Variants in WARS2 observed in about 807,000 individuals in gnomAD.
The protein encoded by WARS2 is tryptophan--tRNA ligase, mitochondrial.
A neutral mutation model predicts 36.5 loss-of-function variants in WARS2; 28 were observed. That is an observed-to-expected ratio of 0.77 (90% CI 0.57 to 1.05). The LOEUF (loss-of-function observed/expected upper bound fraction) is 1.05, where lower values mean the gene tolerates loss of function less well. Among genes scored for constraint, WARS2 ranks in the 50% least tolerant of loss-of-function variants. The probability of loss-of-function intolerance (pLI) is 0.00; values close to 1 mark genes in which losing one functional copy is unlikely to be tolerated. For missense variants in WARS2, 435 were observed against 456.8 expected, an observed-to-expected ratio of 0.95 and a Z score of 0.44; for synonymous variants, 174 against 178.4, an observed-to-expected ratio of 0.98 and a Z score of 0.20.
rs144525495 is a variant in WARS2, at chr1:119,127,669, C to T, written c.90+12886G>A. Among the ~76,000 whole-genome samples, 317 of 152,276 alleles carry T rather than the reference C, an allele frequency of 2.1e-3. 1 individual carries two copies. Among genetic ancestry groups the T allele is most frequent in the African/African-American group, 7.4e-3 (309 of 41,546 alleles). On this transcript the variant is annotated intron_variant, in intron 1 of 5. Coordinates refer to ENST00000235521, the MANE Select transcript of WARS2 (RefSeq NM_015836.4). ...ATGCTCAACAGGGTTTGGAGCTCCT[C>T]GATTTCCCACACTATTCTCAGCAAA...
rs1048591953 is a variant in WARS2, at chr1:119,034,266, G to C, written c.516-53C>G. Reference sequence around the variant, plus strand: ...ACAGCAAGGCTCTTTCTTAGAGACAGAAATGATATTGCAAGCAGCTGCATT... The same window carrying C: ...ACAGCAAGGCTCTTTCTTAGAGACACAAATGATATTGCAAGCAGCTGCATT... On this transcript the variant is annotated intron_variant, in intron 4 of 5. Transcript: ENST00000235521. The C allele has an allele frequency of 4.5e-5, 64 of 1,413,350 alleles. No individual in the cohort carries two copies. In the Middle Eastern group the frequency reaches 8.9e-4, roughly 20 times the overall value. The allele number at this position is 1,413,350 out of a possible 1,614,324, so 87.6% of individuals were successfully genotyped here. A position where few individuals can be genotyped will look rare whatever the true frequency, so the allele number is the denominator to read the frequency against.
At chr1:119,093,705 G>A (rs1035983546) in intron 1 of WARS2, among the ~76,000 whole-genome samples, 6 of 152,136 alleles carry the variant, frequency 3.9e-5, no homozygotes, top group Non-Finnish European at 8.8e-5. Context: ...CTAGCCTCCA[G>A]AACTGTGAAA....
rs117890655 is a variant in WARS2, at chr1:119,088,273, C to T, written c.91-11666G>A. Among the ~76,000 whole-genome samples the T allele has an allele frequency of 8.5e-4, 130 of 152,268 alleles. 3 individuals are homozygous for T. The East Asian group carries it at 0.022, about 26-fold the overall frequency. On this transcript the variant is annotated intron_variant, in intron 1 of 5. Coordinates refer to ENST00000235521, the MANE Select transcript of WARS2 (RefSeq NM_015836.4). ...AATACTGATGCCTGGGCACCACCCC[C>T]AGAGATTCTGATTTAATCAGTCTGG...
Position 119,140,653 on chromosome 1 carries a change from G to A in WARS2, c.-9C>T, listed in dbSNP as rs1271173946. ...ATTGAGTGCAGCGCCATCTTGAGAAGGGCGGAGCCGTCTTGTTTGGAATGA... is the reference window on the plus strand; with the variant it reads ...ATTGAGTGCAGCGCCATCTTGAGAAAGGCGGAGCCGTCTTGTTTGGAATGA... On this transcript the variant is annotated 5_prime_UTR_variant, in exon 1 of 6. Coordinates refer to ENST00000235521, the MANE Select transcript of WARS2 (RefSeq NM_015836.4). 7 of 1,609,828 alleles carry A rather than the reference G, an allele frequency of 4.3e-6. No homozygotes were observed. Among genetic ancestry groups the A allele is most frequent in the Non-Finnish European group, 5.9e-6 (7 of 1,177,824 alleles).
intron 1 of WARS2, among the ~76,000 whole-genome samples, chr1:119,096,154 A>T (rs1332545375): frequency 6.6e-6 from 1 of 152,178 alleles, no homozygotes; most frequent in African/African-American, 2.4e-5. Context: ...TGCTTACATA[A>T]ATGATGACAA....
intron 2 of WARS2, among the ~76,000 whole-genome samples, chr1:119,050,301 A>G (rs1225245863): frequency 6.6e-6 from 1 of 152,196 alleles, no homozygotes; most frequent in Admixed American, 6.5e-5. Flanking sequence ...CTTACCAAGG[A>G]GGCTTACCCA....
chr1:119,097,654 T>C (rs1653535426), intron 1 of WARS2, among the ~76,000 whole-genome samples: 1 of 152,198 alleles, frequency 6.6e-6, no homozygotes, highest in Admixed American at 6.5e-5. Context: ...TTATAGCACA[T>C]AGTTGTACTG....
chr1:119,039,254 GGCCATGTATAGT>G (rs1305849836), intron 4 of WARS2, among the ~76,000 whole-genome samples: 2 of 152,108 alleles, frequency 1.3e-5, no homozygotes, highest in Non-Finnish European at 2.9e-5. Flanking sequence ...TTTCCCTCAA[GGCCATGTATAGT>G]GCCCTTTTTC....
chr1:119,129,313 A>T (rs1655919549), intron 1 of WARS2, among the ~76,000 whole-genome samples: 1 of 152,194 alleles, frequency 6.6e-6, no homozygotes, highest in South Asian at 2.1e-4. Flanking sequence ...CAGAACTGTG[A>T]CAAATAAATG....
At chr1:119,132,608 C>T (rs1042322594) in intron 1 of WARS2, among the ~76,000 whole-genome samples, 2 of 152,158 alleles carry the variant, frequency 1.3e-5, no homozygotes, top group Admixed American at 6.5e-5. Flanking sequence ...TTATATTCTC[C>T]TGCTTCCCAA....
chr1:119,071,931 TAAAG>T (rs938726428), intron 2 of WARS2, among the ~76,000 whole-genome samples: 2 of 151,758 alleles, frequency 1.3e-5, no homozygotes, highest in African/African-American at 4.8e-5. Context: ...CAATTTAAAA[TAAAG>T]AAAAAAGAAT....
intron 1 of WARS2, among the ~76,000 whole-genome samples, chr1:119,092,150 T>A (rs1571346209): frequency 6.6e-6 from 1 of 152,174 alleles, no homozygotes; most frequent in South Asian, 2.1e-4. Context: ...ACCGGCTGGG[T>A]ACAAACTTAG....
In WARS2 at chr1:119,123,072, C is replaced by T. The variant is rs587616207; in HGVS notation, c.90+17483G>A. ...CAAGATAGAAGATCCACATTTTAATCAAAGGAAATAGTGACCACACCCTTC... is the reference window on the plus strand; with the variant it reads ...CAAGATAGAAGATCCACATTTTAATTAAAGGAAATAGTGACCACACCCTTC... On this transcript the variant is annotated intron_variant, in intron 1 of 5. Coordinates refer to ENST00000235521, the MANE Select transcript of WARS2 (RefSeq NM_015836.4). Among the ~76,000 whole-genome samples the T allele has an allele frequency of 2.6e-5, 4 of 152,238 alleles. No homozygotes were observed. The East Asian group carries it at 7.7e-4, about 29-fold the overall frequency.
intron 2 of WARS2, among the ~76,000 whole-genome samples, chr1:119,072,343 C>A (rs986453655): frequency 1.2e-4 from 19 of 152,238 alleles, no homozygotes; most frequent in Admixed American, 7.8e-4. Flanking sequence ...TGATGAGCAA[C>A]TATGTGGGAC....
At chr1:119,034,674 G>A (rs969076867) in intron 4 of WARS2, among the ~76,000 whole-genome samples, 1 of 152,206 alleles carries the variant, frequency 6.6e-6, no homozygotes, top group African/African-American at 2.4e-5. Context: ...TCAGGCAAGA[G>A]TTTTTCCTCC....
At chr1:119,051,215 G>C (rs1649322038) in intron 2 of WARS2, among the ~76,000 whole-genome samples, 1 of 152,010 alleles carries the variant, frequency 6.6e-6, no homozygotes, top group Non-Finnish European at 1.5e-5. Flanking sequence ...CCCAGTGTCT[G>C]TTGTTCCCCT....
At chr1:119,065,440 T>C (rs1650751763) in intron 2 of WARS2, among the ~76,000 whole-genome samples, 1 of 151,778 alleles carries the variant, frequency 6.6e-6, no homozygotes, top group Non-Finnish European at 1.5e-5. Context: ...GAGACTAGCC[T>C]GGCCAACATG....
intron 2 of WARS2, among the ~76,000 whole-genome samples, chr1:119,059,599 A>T (rs1427716062): frequency 6.6e-6 from 1 of 152,242 alleles, no homozygotes; most frequent in East Asian, 1.9e-4. Flanking sequence ...TTCAAAAGGC[A>T]GTATAAGTCC....
intron 2 of WARS2, among the ~76,000 whole-genome samples, chr1:119,055,464 A>G (rs1041110979): frequency 1.3e-5 from 2 of 152,024 alleles, no homozygotes; most frequent in African/African-American, 4.8e-5. Context: ...AATACAAAAA[A>G]GTTAGCCAGG....
Sources: gnomAD v4.1 joint callset for allele counts (sites outside exome capture counted in the v4.1 genomes callset) on GRCh38, gnomAD v4.1.1 for gene constraint, MANE v1.5 for transcripts, NCBI Gene and HGNC (gene_info 2026-07-23, HGNC 2026-07-21) for gene names.